Variants in PLCB4 observed in about 807,000 individuals in gnomAD.
The protein encoded by PLCB4 is phospholipase C beta 4.
A neutral mutation model predicts 178.8 loss-of-function variants in PLCB4; 77 were observed. That is an observed-to-expected ratio of 0.43 (90% CI 0.36 to 0.52). The LOEUF (loss-of-function observed/expected upper bound fraction) is 0.52. PLCB4 is among the 20% of genes least tolerant of loss of function. The pLI is 0.00. For synonymous variants in PLCB4, 496 were observed against 490.8 expected (o/e 1.01, Z -0.14); for missense variants, 1,024 against 1,453.4 (o/e 0.70, Z 4.80).
At chr20:9,084,764 G>A in intron 1 of PLCB4, among the ~76,000 whole-genome samples, 1 of 152,108 alleles carries the variant, frequency 6.6e-6, no homozygotes, top group South Asian at 2.1e-4. Context: ...TATAAAGATT[G>A]GATATAAAGA....
At chr20:9,426,112 A>G (rs6056610) in intron 28 of PLCB4, among the ~76,000 whole-genome samples, 2 of 146,852 alleles carry the variant, frequency 1.4e-5, no homozygotes, top group East Asian at 2.0e-4. Context: ...CATTTTCTAG[A>G]AAAAAAAATG....
At chr20:9,463,455 A>G (rs2043539046) in intron 35 of PLCB4, among the ~76,000 whole-genome samples, 1 of 152,122 alleles carries the variant, frequency 6.6e-6, no homozygotes, top group Non-Finnish European at 1.5e-5. Context: ...TGCCCCAATT[A>G]AAAGACACAG....
intron 4 of PLCB4, among the ~76,000 whole-genome samples, chr20:9,314,585 C>T (rs976599303): frequency 3.3e-5 from 5 of 152,100 alleles, no homozygotes; most frequent in Admixed American, 1.3e-4. Context: ...TCTGAAATGA[C>T]GAAGAACCAA....
At chr20:9,110,397 C>T (rs551281070) in intron 2 of PLCB4, among the ~76,000 whole-genome samples, 2 of 152,100 alleles carry the variant, frequency 1.3e-5, no homozygotes, top group Non-Finnish European at 2.9e-5. Context: ...TGTAAGCTAT[C>T]ATTTCTCCTC....
chr20:9,318,082 C>A (rs11908205), intron 4 of PLCB4, among the ~76,000 whole-genome samples: 4,080 of 152,054 alleles, frequency 0.027, 184 homozygotes, highest in African/African-American at 0.094. Flanking sequence ...CCCTGGGACA[C>A]AGATTGCAGT....
At chr20:9,394,487 T>A (rs1339065409) in intron 18 of PLCB4, among the ~76,000 whole-genome samples, 1 of 152,154 alleles carries the variant, frequency 6.6e-6, no homozygotes, top group African/African-American at 2.4e-5. Flanking sequence ...TTTAAATTTT[T>A]AAAATTTAAC....
chr20:9,286,460 C>T lies in PLCB4; in HGVS notation c.-15-21340C>T, dbSNP rs79204179. 8.8e-3 allele frequency among the ~76,000 whole-genome samples: 1,338 copies of T among 152,128 alleles called. 9 individuals are homozygous for T. Among genetic ancestry groups the T allele is most frequent in the Non-Finnish European group, 0.014 (956 of 67,964 alleles). On this transcript the variant is annotated intron_variant, in intron 3 of 39. Transcript: ENST00000378473. The stretch of plus-strand genomic sequence containing the variant: ...GCTTCTGGTTTTACTTCAATGTTTA[C>T]ATCTATTTCTTCAGGCCTAAAGCCT...
intron 2 of PLCB4, among the ~76,000 whole-genome samples, chr20:9,117,621 TC>T (rs1439031297): frequency 1.3e-5 from 2 of 152,148 alleles, no homozygotes; most frequent in Non-Finnish European, 2.9e-5. Flanking sequence ...AGCCTAAACT[TC>T]CAACCAAGAT....
chr20:9,159,732 T>C (rs1459335468), intron 2 of PLCB4, among the ~76,000 whole-genome samples: 1 of 152,214 alleles, frequency 6.6e-6, no homozygotes, highest in Non-Finnish European at 1.5e-5. Context: ...CTTGGCTTGA[T>C]GAAAGTTTTT....
At chr20:9,459,479 G>A (rs977735533) in intron 34 of PLCB4, among the ~76,000 whole-genome samples, 156 bp from the exon 35 acceptor site, 1 of 152,188 alleles carries the variant, frequency 6.6e-6, no homozygotes, top group African/African-American at 2.4e-5. Flanking sequence ...GCTTCCCATT[G>A]ATTAATACAT....
chr20:9,268,582 C>T (rs755154537), intron 3 of PLCB4, among the ~76,000 whole-genome samples: 7 of 152,012 alleles, frequency 4.6e-5, no homozygotes, highest in Non-Finnish European at 7.4e-5. Context: ...ACAGGAACCT[C>T]GGGAACTAAC....
intron 2 of PLCB4, among the ~76,000 whole-genome samples, chr20:9,161,178 A>T (rs887869774): frequency 1.3e-5 from 2 of 152,188 alleles, no homozygotes; most frequent in Non-Finnish European, 2.9e-5. Flanking sequence ...AATTAGTCCA[A>T]TGCCCCATAA....
At chr20:9,082,926 G>T in intron 1 of PLCB4, among the ~76,000 whole-genome samples, 1 of 152,148 alleles carries the variant, frequency 6.6e-6, no homozygotes, top group East Asian at 1.9e-4. Context: ...CCAGAATCAG[G>T]CTCTCCCAAA....
intron 2 of PLCB4, among the ~76,000 whole-genome samples, chr20:9,160,429 G>T (rs1600804855): frequency 6.6e-6 from 1 of 152,156 alleles, no homozygotes; most frequent in African/African-American, 2.4e-5. Context: ...CAGTAGATAC[G>T]TGTTGAGTAA....
intron 2 of PLCB4, among the ~76,000 whole-genome samples, chr20:9,195,665 C>T (rs1298039451): frequency 2.0e-5 from 3 of 152,288 alleles, no homozygotes; most frequent in Middle Eastern, 3.4e-3. Flanking sequence ...ATCAATCCTC[C>T]TGACCTCCTA....
chr20:9,249,794 G>A (rs371230769), intron 3 of PLCB4, among the ~76,000 whole-genome samples: 21 of 152,112 alleles, frequency 1.4e-4, no homozygotes, highest in African/African-American at 4.3e-4. Context: ...TATTATTCAC[G>A]TGCATGCTTT....
At chr20:9,444,485 C>G (rs1242689591) in intron 32 of PLCB4, among the ~76,000 whole-genome samples, 1 of 152,174 alleles carries the variant, frequency 6.6e-6, no homozygotes, top group Non-Finnish European at 1.5e-5. Context: ...TTTCACTAGG[C>G]CGGGCACAGT....
intron 7 of PLCB4, among the ~76,000 whole-genome samples, chr20:9,339,873 G>A (rs35445134): frequency 6.6e-6 from 1 of 152,168 alleles, no homozygotes; most frequent in Non-Finnish European, 1.5e-5. Flanking sequence ...GTCTCAAAGA[G>A]ACTTCTCGAA....
At chr20:9,187,132 A>C (rs2147118462) in intron 2 of PLCB4, among the ~76,000 whole-genome samples, 1 of 151,824 alleles carries the variant, frequency 6.6e-6, no homozygotes, top group Non-Finnish European at 1.5e-5. Context: ...AGCAGCCTGG[A>C]TAATTTTTGT....
Sources: allele counts gnomAD v4.1 joint callset (sites outside exome capture counted in the v4.1 genomes callset), GRCh38; gene constraint gnomAD v4.1.1; transcripts MANE v1.5; gene names NCBI Gene and HGNC (gene_info 2026-07-23, HGNC 2026-07-21).